GALNT14: variants seen among roughly 807,000 people sequenced by gnomAD.
The protein encoded by GALNT14 is UDP-GalNAc:polypeptide N-acetylgalactosaminyltransferase 14.
GALNT14 carries 60 observed loss-of-function variants against 77.5 expected under a neutral mutation model. That is an observed-to-expected ratio of 0.77 (90% CI 0.63 to 0.96). The LOEUF is 0.96. Among genes scored for constraint, GALNT14 ranks in the 40% least tolerant of loss-of-function variants. The pLI, the probability that GALNT14 is intolerant of heterozygous loss-of-function variation, is 0.00. For synonymous variants in GALNT14, 280 were observed against 281.7 expected, an observed-to-expected ratio of 0.99 and a Z score of 0.06; for missense variants, 710 against 731.0, an observed-to-expected ratio of 0.97 and a Z score of 0.33.
intron 1 of GALNT14, among the ~76,000 whole-genome samples, chr2:31,019,273 G>A (rs1347849163): frequency 2.0e-5 from 3 of 152,266 alleles, no homozygotes; most frequent in East Asian, 1.9e-4. Context: ...AAATAATGTC[G>A]TCTTAATTTA....
chr2:30,899,888 G>A, the GALNT14 span, among the ~76,000 whole-genome samples: 19 of 152,206 alleles, frequency 1.2e-4, no homozygotes, highest in East Asian at 1.2e-3. Context: ...CATCTGCCAC[G>A]TGGGGCGTCG....
chr2:30,988,021 C>A (rs77203067), intron 2 of GALNT14, among the ~76,000 whole-genome samples: 1 of 152,168 alleles, frequency 6.6e-6, no homozygotes, highest in Non-Finnish European at 1.5e-5. Flanking sequence ...AACTCAGAGT[C>A]TATTCTCCTG....
chr2:30,934,463 T>C (rs1254464098), intron 9 of GALNT14, among the ~76,000 whole-genome samples: 1 of 152,240 alleles, frequency 6.6e-6, no homozygotes, highest in African/African-American at 2.4e-5. Context: ...TGTACGGGTT[T>C]CATCTACAGT....
chr2:30,986,252 G>A (rs1669292464), intron 2 of GALNT14, among the ~76,000 whole-genome samples: 1 of 152,248 alleles, frequency 6.6e-6, no homozygotes, highest in African/African-American at 2.4e-5. Flanking sequence ...GTGACCCAAT[G>A]AGGCTTCCCC....
intron 1 of GALNT14, among the ~76,000 whole-genome samples, chr2:31,130,786 GCGCGCACC>G (rs1678953480): frequency 8.0e-5 from 11 of 137,026 alleles, no homozygotes; most frequent in South Asian, 7.4e-4. Flanking sequence ...GTGTGTGTGC[GCGCGCACC>G]TGTGTGTGTG....
chr2:30,931,323 C>G (rs1198938667), intron 10 of GALNT14, among the ~76,000 whole-genome samples: 1 of 151,416 alleles, frequency 6.6e-6, no homozygotes, highest in Non-Finnish European at 1.5e-5. Context: ...TATCAGATGA[C>G]AAGAGATAGA....
chr2:31,026,297 C>T (rs961338605), intron 1 of GALNT14, among the ~76,000 whole-genome samples: 1 of 152,214 alleles, frequency 6.6e-6, no homozygotes, highest in Non-Finnish European at 1.5e-5. Flanking sequence ...AAGCTTTACT[C>T]TTCCCACAAT....
At chr2:30,991,036 T>G (rs899311311) in intron 2 of GALNT14, 2 of 152,240 alleles carry the variant, frequency 1.3e-5, no homozygotes, top group Non-Finnish European at 2.9e-5. Context: ...CCACCACATA[T>G]GCCTAGCCCT....
chr2:31,056,011 C>T lies in GALNT14; in HGVS notation c.130-63004G>A, dbSNP rs1674186797. On this transcript the variant is annotated intron_variant, in intron 1 of 14. Coordinates refer to ENST00000349752, the MANE Select transcript of GALNT14 (RefSeq NM_024572.4). ...AAAATTCAATTAAAACTTCAAACTTCGAGTCAAATTAAAAGTCCCAGGGGC... is the reference window on the plus strand; with the variant it reads ...AAAATTCAATTAAAACTTCAAACTTTGAGTCAAATTAAAAGTCCCAGGGGC... 2.0e-5 allele frequency among the ~76,000 whole-genome samples: 3 copies of T among 152,182 alleles called. No individual in the cohort carries two copies. In the South Asian group the frequency reaches 6.2e-4, roughly 32 times the overall value.
chr2:30,971,295 G>C (rs577510027), intron 2 of GALNT14, among the ~76,000 whole-genome samples: 3 of 152,116 alleles, frequency 2.0e-5, no homozygotes, highest in Admixed American at 6.5e-5. Flanking sequence ...AGACGAGCAA[G>C]TACGTTGATA....
At chr2:30,989,579 T>TATATATATATATACAC (rs1553351610) in intron 2 of GALNT14, among the ~76,000 whole-genome samples, 2 of 127,194 alleles carry the variant, frequency 1.6e-5, no homozygotes, top group South Asian at 4.7e-4. Flanking sequence ...TATATATATA[T>TATATATATATATACAC]ATAAAAATAT....
intron 2 of GALNT14, among the ~76,000 whole-genome samples, chr2:30,972,162 A>G (rs1024199277): frequency 1.3e-5 from 2 of 152,196 alleles, no homozygotes; most frequent in South Asian, 2.1e-4. Flanking sequence ...TGAAGTGGAG[A>G]GGAGAGCGTA....
intron 1 of GALNT14, among the ~76,000 whole-genome samples, chr2:31,086,738 G>A (rs777341955): frequency 2.0e-5 from 3 of 152,028 alleles, no homozygotes; most frequent in Non-Finnish European, 4.4e-5. Flanking sequence ...TAGTCCTCCC[G>A]TACCTAAGGA....
chr2:31,067,676 G>A (rs546548353), intron 1 of GALNT14, among the ~76,000 whole-genome samples: 4 of 152,280 alleles, frequency 2.6e-5, no homozygotes, highest in Non-Finnish European at 4.4e-5. Context: ...AAGAGTTGGA[G>A]CCAACTTGCA....
At chr2:30,936,822 C>A (rs1345206974) in intron 9 of GALNT14, among the ~76,000 whole-genome samples, 6 of 152,190 alleles carry the variant, frequency 3.9e-5, no homozygotes, top group Non-Finnish European at 8.8e-5. Context: ...CAAGTATTGA[C>A]CACAGGCATG....
At chr2:30,989,560 T>TTATATATATATA (rs57594110) in intron 2 of GALNT14, among the ~76,000 whole-genome samples, 1,223 of 86,990 alleles carry the variant, frequency 0.014, 19 homozygotes, top group Non-Finnish European at 0.021. Flanking sequence ...GGTAAATACC[T>TTATATATATATA]TATATATATA....
intron 1 of GALNT14, among the ~76,000 whole-genome samples, chr2:31,034,071 C>T (rs6752662): frequency 0.47 from 70,754 of 152,050 alleles, 17,034 homozygotes; most frequent in African/African-American, 0.59. Context: ...AGAGAAATTG[C>T]CTAAGAACAA....
intron 8 of GALNT14, among the ~76,000 whole-genome samples, chr2:30,943,072 C>G (rs549970829): frequency 3.3e-5 from 5 of 152,314 alleles, no homozygotes; most frequent in Non-Finnish European, 5.9e-5. Flanking sequence ...CTAGAACAGC[C>G]CTCAGAAGGA....
rs76558793 is a variant in GALNT14 at position 30,956,140 on chromosome 2, G to A, written c.467-163C>T. ...ACTCCAGGGTGTTTCCAGGCTATGA[G>A]AGGCTGACAGATCACTGCTGTCATA... On this transcript the variant is annotated intron_variant, in intron 4 of 14. Coordinates refer to ENST00000349752, the MANE Select transcript of GALNT14 (RefSeq NM_024572.4). Among the ~76,000 whole-genome samples, 270 of 152,274 alleles carry A rather than the reference G, an allele frequency of 1.8e-3. 1 individual carries two copies. The highest frequency in any genetic ancestry group is 6.2e-3 in the African/African-American group (259 of 41,550).
Sources: allele counts gnomAD v4.1 joint callset (sites outside exome capture counted in the v4.1 genomes callset), GRCh38; gene constraint gnomAD v4.1.1; transcripts MANE v1.5; gene names NCBI Gene and HGNC (gene_info 2026-07-23, HGNC 2026-07-21).